Variants in ATP9A observed in about 807,000 individuals in gnomAD.
ATP9A encodes probable phospholipid-transporting ATPase IIA.
A neutral mutation model predicts 144.1 loss-of-function variants in ATP9A; 52 were observed. The ratio of observed to expected loss-of-function variants is 0.36; its 90% CI spans 0.29 to 0.45. The LOEUF (loss-of-function observed/expected upper bound fraction) is 0.45. ATP9A is among the 20% of genes least tolerant of loss of function. The pLI is 1.00. For synonymous variants in ATP9A, 582 were observed against 557.4 expected (o/e 1.04, Z -0.62); for missense variants, 947 against 1,392.7 (o/e 0.68, Z 5.09).
At position 51,679,043 on chromosome 20, in the gene ATP9A, G is replaced by A. The variant is rs900521042; in HGVS notation, c.800-2835C>T. Among the ~76,000 whole-genome samples the A allele has an allele frequency of 3.9e-5, 6 of 152,112 alleles. No homozygotes were observed. In the East Asian group the frequency reaches 1.2e-3, roughly 29 times the overall value. The stretch of plus-strand genomic sequence containing the variant: ...TTGCCTATCTAAAAAAAAAAATGAG[G>A]CCGGGCACGGTGGCTCATGCCTGTA... On this transcript the variant is annotated intron_variant, in intron 9 of 27. Transcript: ENST00000338821.
intron 1 of ATP9A, among the ~76,000 whole-genome samples, chr20:51,758,584 C>A (rs905162944): frequency 6.6e-6 from 1 of 152,212 alleles, no homozygotes; most frequent in Non-Finnish European, 1.5e-5. Context: ...TCCTTGCGGA[C>A]TGGACTACAG....
At chr20:51,635,497 G>C (rs1237050282) in intron 15 of ATP9A, among the ~76,000 whole-genome samples, 2 of 152,106 alleles carry the variant, frequency 1.3e-5, no homozygotes, top group African/African-American at 4.8e-5. Context: ...CAGCACTTTG[G>C]GAGGTCGAGA....
intron 1 of ATP9A, among the ~76,000 whole-genome samples, chr20:51,762,830 C>T (rs557144357): frequency 2.6e-3 from 399 of 151,210 alleles, no homozygotes; most frequent in Non-Finnish European, 4.9e-3. Context: ...CTACCTCAGC[C>T]TCCCAAGTAG....
chr20:51,604,032 G>C (rs1469428624), intron 27 of ATP9A, among the ~76,000 whole-genome samples: 2 of 152,130 alleles, frequency 1.3e-5, no homozygotes, highest in Non-Finnish European at 2.9e-5. Context: ...ACCCGCCTCT[G>C]CCTCCCAAAA....
chr20:51,747,172 G>A (rs956638458), intron 1 of ATP9A, among the ~76,000 whole-genome samples: 1 of 150,006 alleles, frequency 6.7e-6, no homozygotes, highest in African/African-American at 2.5e-5. Flanking sequence ...AGAAAGAAGC[G>A]AAGTCTGAAG....
intron 14 of ATP9A, among the ~76,000 whole-genome samples, chr20:51,644,750 TA>T (rs568180781): frequency 1.5e-3 from 217 of 148,754 alleles, no homozygotes; most frequent in African/African-American, 4.5e-3. Flanking sequence ...AGTAATAAAG[TA>T]AAAAAAAAAA....
At chr20:51,683,757 C>T (rs1039583779) in intron 9 of ATP9A, among the ~76,000 whole-genome samples, 6 of 152,128 alleles carry the variant, frequency 3.9e-5, no homozygotes, top group African/African-American at 7.2e-5. Context: ...CTTGTTCACA[C>T]GGGGCCAGAA....
chr20:51,727,995 C>A (rs534009527), intron 2 of ATP9A, among the ~76,000 whole-genome samples: 48 of 152,024 alleles, frequency 3.2e-4, no homozygotes, highest in African/African-American at 1.2e-3. Context: ...CAGTCAAATC[C>A]TCCCCTGGGG....
chr20:51,762,391 G>A (rs960873607), intron 1 of ATP9A, among the ~76,000 whole-genome samples: 8 of 152,046 alleles, frequency 5.3e-5, no homozygotes, highest in African/African-American at 1.9e-4. Flanking sequence ...AGCTACTCCG[G>A]AGGCTGGGGC....
chr20:51,747,102 T>G (rs868706249), intron 1 of ATP9A, among the ~76,000 whole-genome samples: 3,460 of 149,956 alleles, frequency 0.023, 60 homozygotes, highest in Non-Finnish European at 0.036. Flanking sequence ...TTTTTCGTTT[T>G]TTTTTTTTTT....
chr20:51,658,667 C>T (rs906667266), intron 13 of ATP9A, among the ~76,000 whole-genome samples: 3 of 151,496 alleles, frequency 2.0e-5, no homozygotes, highest in African/African-American at 7.3e-5. Context: ...TTACAGGCGC[C>T]CGCCACCAAG....
intron 13 of ATP9A, among the ~76,000 whole-genome samples, chr20:51,658,851 T>C (rs1376979927): frequency 7.2e-6 from 1 of 139,326 alleles, no homozygotes; most frequent in Non-Finnish European, 1.5e-5. Flanking sequence ...GAAAGGGTTC[T>C]ACTGCTTTAG....
chr20:51,619,869 C>CAAAAAA (rs564118011), intron 19 of ATP9A, among the ~76,000 whole-genome samples: 2 of 83,882 alleles, frequency 2.4e-5, no homozygotes, highest in African/African-American at 4.5e-5. Flanking sequence ...AACTCTGTCT[C>CAAAAAA]AAAAAAAAAA....
chr20:51,735,529 C>T (rs1601136480), intron 1 of ATP9A, among the ~76,000 whole-genome samples: 5 of 152,154 alleles, frequency 3.3e-5, no homozygotes, highest in African/African-American at 7.2e-5. Context: ...AGCGCTTACC[C>T]GGTACAAAGT....
intron 1 of ATP9A, chr20:51,734,621 T>C (rs2077755771): frequency 6.6e-6 from 1 of 152,026 alleles, no homozygotes; most frequent in East Asian, 1.9e-4. Context: ...GTGTATCCCA[T>C]TTTGGTTTTT....
chr20:51,646,605 G>C (rs2077343347), intron 14 of ATP9A, among the ~76,000 whole-genome samples: 1 of 152,174 alleles, frequency 6.6e-6, no homozygotes, highest in Non-Finnish European at 1.5e-5. Context: ...GCCATGTGGG[G>C]GTCAGAAGAA....
At chr20:51,753,666 CTT>C (rs67673002) in intron 1 of ATP9A, among the ~76,000 whole-genome samples, 76 of 137,206 alleles carry the variant, frequency 5.5e-4, no homozygotes, top group Non-Finnish European at 6.1e-4. Context: ...CTTTTTCTTT[CTT>C]TTTTTTTTTT....
At position 51,618,894 on chromosome 20, in the gene ATP9A, C is replaced by T. The variant is rs147021519; in HGVS notation, c.2205+60G>A. ...GCTGCCGAGCCTGCAGTGCCCCTGCCGAAGCCGGGTAAGACCCAGGCTGCT... is the reference window on the plus strand; with the variant it reads ...GCTGCCGAGCCTGCAGTGCCCCTGCTGAAGCCGGGTAAGACCCAGGCTGCT... On this transcript the variant is annotated intron_variant, in intron 20 of 27. Coordinates refer to ENST00000338821, the MANE Select transcript of ATP9A (RefSeq NM_006045.3). 1.0e-5 allele frequency: 16 copies of T among 1,598,962 alleles called. No homozygotes were observed. In the East Asian group the frequency reaches 2.2e-4, roughly 22 times the overall value.
Position 51,611,497 on chromosome 20 carries a change from C to A in ATP9A, c.2572-1332G>T, listed in dbSNP as rs561658844. On this transcript the variant is annotated intron_variant, in intron 23 of 27. Transcript: ENST00000338821. This position sits in a 1 kb window ranked among gnomAD's most constrained non-coding sequence, Gnocchi z 4.2. ...AAGAGCACTTTGGGAAAAATAAAAA[C>A]ACTGTGTTCTCTGACAGACTCATGT... Among the ~76,000 whole-genome samples, 1 of 152,358 alleles carries A rather than the reference C, an allele frequency of 6.6e-6. No homozygotes were observed. The highest frequency in any genetic ancestry group is 6.5e-5 in the Admixed American group (1 of 15,310).
Sources: gnomAD v4.1 joint callset for allele counts (sites outside exome capture counted in the v4.1 genomes callset) on GRCh38, gnomAD v4.1.1 for gene constraint, Gnocchi (gnomAD v3.1) non-coding constraint, MANE v1.5 for transcripts, NCBI Gene and HGNC (gene_info 2026-07-23, HGNC 2026-07-21) for gene names.